The following GOLPH3 variants were observed in gnomAD, a reference collection of about 807,000 sequenced individuals.
GOLPH3 encodes golgi phosphoprotein 3, also known as coat protein GPP34.
In GOLPH3, 14 loss-of-function variants were observed where a neutral mutation model predicts 28.5. That is an observed-to-expected ratio of 0.49 (90% CI 0.32 to 0.77). The LOEUF is 0.77. Among genes scored for constraint, GOLPH3 ranks in the 30% least tolerant of loss-of-function variants. GOLPH3 has a pLI of 0.03. For missense variants in GOLPH3, 350 were observed against 393.7 expected, an observed-to-expected ratio of 0.89 and a Z score of 0.94; for synonymous variants, 158 against 159.2, an observed-to-expected ratio of 0.99 and a Z score of 0.06.
rs754315102 is a variant in GOLPH3 at position 32,126,469 on chromosome 5, T to C, written c.640A>G (p.Ile214Val). ...AGAACGGCTTCCTGTACTTTCTTGA[T>C]GAGGCGCTGCTTAATGTTGTTATTG... ...LTNNNIKQRL[I>V]KKVQEAVLDK... is the part of the protein sequence containing the mutation. The change falls in exon 4 of 4, where the codon ATC becomes GTC. Residue 214 changes from isoleucine (I) to valine (V), a missense_variant. Ile to Val is a conservative substitution (Grantham distance 29). Coordinates refer to ENST00000265070, the MANE Select transcript of GOLPH3 (RefSeq NM_022130.4). 4.3e-6 allele frequency: 7 copies of C among 1,614,206 alleles called. No individual in the cohort carries two copies. The Admixed American group carries it at 1.2e-4, about 27-fold the overall frequency.
At chr5:32,163,898 G>A (rs1305065574) in intron 1 of GOLPH3, among the ~76,000 whole-genome samples, 1 of 151,962 alleles carries the variant, frequency 6.6e-6, no homozygotes, top group Non-Finnish European at 1.5e-5. Flanking sequence ...TTGTTAATAC[G>A]GTATAAACTG....
At chr5:32,166,308 A>G (rs1205426136) in intron 1 of GOLPH3, among the ~76,000 whole-genome samples, 5 of 152,246 alleles carry the variant, frequency 3.3e-5, no homozygotes, top group African/African-American at 1.2e-4. Flanking sequence ...GAGGTTTACC[A>G]AACGGGAAGA....
At chr5:32,162,796 T>A (rs1476283024) in intron 1 of GOLPH3, among the ~76,000 whole-genome samples, 2 of 151,768 alleles carry the variant, frequency 1.3e-5, no homozygotes, top group African/African-American at 4.8e-5. Flanking sequence ...AGTAGGCCCA[T>A]GGCCGGGCGC....
intron 2 of GOLPH3, among the ~76,000 whole-genome samples, chr5:32,143,228 T>C (rs550889142): frequency 6.6e-6 from 1 of 152,138 alleles, no homozygotes; most frequent in South Asian, 2.1e-4. Flanking sequence ...AAGATGTGCT[T>C]TGTTAAACAG....
In GOLPH3 at chr5:32,174,300, C is replaced by T. The variant is rs558914268; in HGVS notation, c.-266G>A. On this transcript the variant is annotated 5_prime_UTR_variant, in exon 1 of 4. Coordinates refer to ENST00000265070, the MANE Select transcript of GOLPH3 (RefSeq NM_022130.4). ...ACCCCGAGCTCCAAGGCGGAGGCGG[C>T]GGCGGCGCCTTTCCAATATGGCGGC... The T allele has an allele frequency of 9.5e-5, 31 of 326,408 alleles. No individual in the cohort carries two copies. Among genetic ancestry groups the T allele is most frequent in the African/African-American group, 5.8e-4 (27 of 46,634 alleles). 20.2% of individuals were successfully genotyped at this position (326,408 alleles called of 1,614,324 possible). A position where few individuals can be genotyped will look rare whatever the true frequency, so the allele number is the denominator to read the frequency against.
chr5:32,143,824 T>C lies in GOLPH3; in HGVS notation c.282A>G (p.Leu94=), dbSNP rs1746136279. The change falls in exon 2 of 4, where the codon TTA becomes TTG. Residue 94 remains leucine (L), a synonymous_variant. Transcript: ENST00000265070. ...ACCTTCCTCTCAATGCTAATTCAATTAACATACAGCCACGTAATCCAGATG... is the reference window on the plus strand; with the variant it reads ...ACCTTCCTCTCAATGCTAATTCAATCAACATACAGCCACGTAATCCAGATG... ...CISSGLRGCM[L]IELALRGRLQ... 3 of 1,601,956 alleles carry C rather than the reference T, an allele frequency of 1.9e-6. No individual in the cohort carries two copies. The highest frequency in any genetic ancestry group is 2.6e-6 in the Non-Finnish European group (3 of 1,174,458).
rs1308648161 is a variant in GOLPH3, at chr5:32,158,132, T to TAAAATAC, written c.226-14253_226-14252insGTATTTT. Among the ~76,000 whole-genome samples, 31 of 33,682 alleles carry TAAAATAC rather than the reference T, an allele frequency of 9.2e-4. 1 individual carries two copies. Among genetic ancestry groups the TAAAATAC allele is most frequent in the African/African-American group, 3.2e-3 (27 of 8,322 alleles). The allele number at this position is 33,682 out of a possible 152,430, so 22.1% of individuals were successfully genotyped here. A position where few individuals can be genotyped will look rare whatever the true frequency, so the allele number is the denominator to read the frequency against. On this transcript the variant is annotated intron_variant, in intron 1 of 3. Transcript: ENST00000265070. Reference sequence around the variant, plus strand: ...TAAATAAATAAATAAATAAATAAAATACACACACACACACACACACACACA... The same window carrying TAAAATAC: ...TAAATAAATAAATAAATAAATAAAATAAAATACACACACACACACACACACACACACA...
intron 1 of GOLPH3, among the ~76,000 whole-genome samples, chr5:32,152,712 G>T (rs990380382): frequency 6.6e-6 from 1 of 151,180 alleles, no homozygotes; most frequent in South Asian, 2.1e-4. Flanking sequence ...AACTCAGGAA[G>T]CCAAGGTTGC....
intron 1 of GOLPH3, among the ~76,000 whole-genome samples, chr5:32,147,837 A>G (rs1389297368): frequency 6.6e-6 from 1 of 152,214 alleles, no homozygotes; most frequent in East Asian, 1.9e-4. Context: ...AACTGTGCTC[A>G]AGAGCCCAGA....
chr5:32,164,785 A>C (rs1264739244), intron 1 of GOLPH3, among the ~76,000 whole-genome samples: 1 of 152,122 alleles, frequency 6.6e-6, no homozygotes, highest in African/African-American at 2.4e-5. Flanking sequence ...AATTTACTTA[A>C]TAAAGCCAGT....
At chr5:32,129,944 T>A (rs1245442893) in intron 3 of GOLPH3, among the ~76,000 whole-genome samples, 4 of 151,962 alleles carry the variant, frequency 2.6e-5, no homozygotes, top group Non-Finnish European at 5.9e-5. Context: ...TGGGTTCACG[T>A]CATTCTCCTG....
chr5:32,157,511 T>C (rs1280586319), intron 1 of GOLPH3, among the ~76,000 whole-genome samples: 2 of 152,200 alleles, frequency 1.3e-5, no homozygotes, highest in African/African-American at 2.4e-5. Flanking sequence ...CCTTACTAGT[T>C]TCCTAAACAC....
chr5:32,131,609 T>C (rs1490558221), intron 3 of GOLPH3, among the ~76,000 whole-genome samples: 4 of 152,236 alleles, frequency 2.6e-5, no homozygotes, highest in Non-Finnish European at 5.9e-5. Context: ...TTATTCACCA[T>C]ATATGTGAAA....
chr5:32,144,820 G>A (rs574652372), intron 1 of GOLPH3, among the ~76,000 whole-genome samples: 9 of 152,300 alleles, frequency 5.9e-5, no homozygotes, highest in African/African-American at 2.2e-4. Context: ...ATCACCAGAT[G>A]AGGTCAGGAC....
At chr5:32,163,516 T>C (rs1375129293) in intron 1 of GOLPH3, among the ~76,000 whole-genome samples, 1 of 152,128 alleles carries the variant, frequency 6.6e-6, no homozygotes, top group Non-Finnish European at 1.5e-5. Context: ...TAGCTGGGCA[T>C]GGTGGCATGT....
At chr5:32,151,483 C>T (rs1489906050) in intron 1 of GOLPH3, among the ~76,000 whole-genome samples, 3 of 151,920 alleles carry the variant, frequency 2.0e-5, no homozygotes, top group Non-Finnish European at 4.4e-5. Flanking sequence ...GCACTCTAAC[C>T]GGGTGACAAA....
At chr5:32,145,830 G>A (rs1746170909) in intron 1 of GOLPH3, among the ~76,000 whole-genome samples, 1 of 152,174 alleles carries the variant, frequency 6.6e-6, no homozygotes, top group African/African-American at 2.4e-5. Context: ...GGATTCACAT[G>A]GGAAAGTAGA....
intron 1 of GOLPH3, among the ~76,000 whole-genome samples, chr5:32,152,429 C>T (rs866586835): frequency 8.3e-6 from 1 of 120,194 alleles, no homozygotes; most frequent in African/African-American, 2.7e-5. Flanking sequence ...CTGCCCCCCC[C>T]AGCCTTTTTT....
At chr5:32,166,292 A>G (rs1375091980) in intron 1 of GOLPH3, among the ~76,000 whole-genome samples, 1 of 152,228 alleles carries the variant, frequency 6.6e-6, no homozygotes, top group Non-Finnish European at 1.5e-5. Context: ...GTGTTTTTGC[A>G]GATGAGAGGT....
Sources: gnomAD v4.1 joint callset for allele counts (sites outside exome capture counted in the v4.1 genomes callset) on GRCh38, gnomAD v4.1.1 for gene constraint, MANE v1.5 for transcripts, NCBI Gene and HGNC (gene_info 2026-07-23, HGNC 2026-07-21) for gene names.